LPCAT2: variants seen among roughly 807,000 people sequenced by gnomAD.
The protein encoded by LPCAT2 is lysophosphatidylcholine acyltransferase 2, also known as 1-AGP acyltransferase 11.
LPCAT2 carries 58 observed loss-of-function variants against 64.7 expected under a neutral mutation model. That is an observed-to-expected ratio of 0.90 (90% CI 0.73 to 1.12). The LOEUF (loss-of-function observed/expected upper bound fraction) is 1.12. Among genes scored for constraint, LPCAT2 ranks in the 50% most tolerant of loss-of-function variants. The probability of loss-of-function intolerance (pLI) is 0.00; values close to 1 mark genes in which losing one functional copy is unlikely to be tolerated. For synonymous variants in LPCAT2, 252 were observed against 245.3 expected (o/e 1.03, Z -0.26); for missense variants, 579 against 669.8 (o/e 0.86, Z 1.50).
intron 11 of LPCAT2, among the ~76,000 whole-genome samples, chr16:55,569,105 T>C (rs1260978713): frequency 6.6e-6 from 1 of 152,230 alleles, no homozygotes; most frequent in East Asian, 1.9e-4. Context: ...GTTGTAACTA[T>C]GGAAATGATG....
chr16:55,515,797 A>G (rs1378647804), intron 1 of LPCAT2, among the ~76,000 whole-genome samples: 1 of 152,206 alleles, frequency 6.6e-6, no homozygotes, highest in African/African-American at 2.4e-5. Flanking sequence ...GAAAATTATT[A>G]TAAGTTAAGA....
At position 55,586,057 on chromosome 16, in the gene LPCAT2, T is replaced by TA. The variant is rs1168774510; in HGVS notation, c.*2960dup. 6.6e-6 allele frequency: 1 copy of TA among 152,112 alleles called. No individual in the cohort carries two copies. The highest frequency in any genetic ancestry group is 1.9e-4 in the East Asian group (1 of 5,190). The allele number at this position is 152,112 out of a possible 1,614,324, so 9.4% of individuals were successfully genotyped here. A position where few individuals can be genotyped will look rare whatever the true frequency, so the allele number is the denominator to read the frequency against. ...CCATTCCCGGGAAAGTAGACATACT[T>TA]ACATTTTTTTCCTTTTCTGCTCATT... On this transcript the variant is annotated 3_prime_UTR_variant, in exon 14 of 14. Coordinates refer to ENST00000262134, the MANE Select transcript of LPCAT2 (RefSeq NM_017839.5).
At chr16:55,518,729 AGG>A (rs1244347194) in intron 1 of LPCAT2, among the ~76,000 whole-genome samples, 1 of 152,238 alleles carries the variant, frequency 6.6e-6, no homozygotes, top group East Asian at 1.9e-4. Flanking sequence ...TGACATGTGC[AGG>A]AGAAGGAAGT....
At chr16:55,577,378 A>G (rs1055479970) in intron 12 of LPCAT2, among the ~76,000 whole-genome samples, 1 of 152,178 alleles carries the variant, frequency 6.6e-6, no homozygotes, top group Non-Finnish European at 1.5e-5. Context: ...TCAGAAGTAG[A>G]AATCTCAACA....
chr16:55,523,777 T>A (rs775145419), intron 1 of LPCAT2, among the ~76,000 whole-genome samples: 90 of 151,880 alleles, frequency 5.9e-4, no homozygotes, highest in Non-Finnish European at 9.3e-4. Context: ...GAGGGTGTAG[T>A]AATTGCAAAG....
chr16:55,525,780 C>T, intron 2 of LPCAT2, 133 bp downstream of exon 2: 1 of 494,226 alleles, frequency 2.0e-6, no homozygotes, highest in Non-Finnish European at 3.2e-6. Flanking sequence ...TATCTGCCTA[C>T]TCAATAATAA....
chr16:55,548,506 C>G (rs1038265740), intron 9 of LPCAT2, among the ~76,000 whole-genome samples: 1 of 151,968 alleles, frequency 6.6e-6, no homozygotes, highest in African/African-American at 2.4e-5. Context: ...TATACAAATG[C>G]CATTTATCTG....
intron 12 of LPCAT2, among the ~76,000 whole-genome samples, chr16:55,578,561 C>T (rs1285674328): frequency 2.0e-5 from 3 of 152,262 alleles, no homozygotes; most frequent in East Asian, 1.9e-4. Flanking sequence ...AACTGGTTTT[C>T]CTGCCTCTGG....
Position 55,585,613 on chromosome 16 carries a change from A to G in LPCAT2, c.*2515A>G, listed in dbSNP as rs990723808. Reference sequence around the variant, plus strand: ...ATCCTAAAACCTCTAAACCACAAACATTCAATTGAAAGAGTTCTGTTGAAG... The same window carrying G: ...ATCCTAAAACCTCTAAACCACAAACGTTCAATTGAAAGAGTTCTGTTGAAG... On this transcript the variant is annotated 3_prime_UTR_variant, in exon 14 of 14. Transcript: ENST00000262134. 5 of 152,228 alleles carry G rather than the reference A, an allele frequency of 3.3e-5. No individual in the cohort carries two copies. Among genetic ancestry groups the G allele is most frequent in the African/African-American group, 9.6e-5 (4 of 41,456 alleles). The allele number at this position is 152,228 out of a possible 1,614,324, so 9.4% of individuals were successfully genotyped here.
intron 12 of LPCAT2, among the ~76,000 whole-genome samples, chr16:55,577,902 A>G (rs1303969016): frequency 2.0e-5 from 3 of 152,038 alleles, no homozygotes; most frequent in African/African-American, 4.8e-5. Context: ...TCCCATTACC[A>G]TCTGGCTTCC....
chr16:55,519,190 T>G (rs887574886), intron 1 of LPCAT2, among the ~76,000 whole-genome samples: 4 of 152,002 alleles, frequency 2.6e-5, no homozygotes, highest in African/African-American at 4.8e-5. Context: ...GAATTTGTTG[T>G]CAGACCTGCA....
chr16:55,534,990 C>T (rs1025899525), intron 7 of LPCAT2, among the ~76,000 whole-genome samples: 3 of 152,144 alleles, frequency 2.0e-5, no homozygotes, highest in Admixed American at 6.6e-5. Flanking sequence ...TCTATAAGCA[C>T]TTTACTTAAG....
intron 11 of LPCAT2, among the ~76,000 whole-genome samples, chr16:55,551,746 G>T (rs1297295376): frequency 2.6e-5 from 4 of 152,024 alleles, no homozygotes; most frequent in African/African-American, 9.7e-5. Context: ...ACAACTTCAG[G>T]TTTTCTATTT....
At chr16:55,563,603 A>G (rs146253080) in intron 11 of LPCAT2, among the ~76,000 whole-genome samples, 1 of 152,118 alleles carries the variant, frequency 6.6e-6, no homozygotes, top group East Asian at 1.9e-4. Context: ...AAGGGGAAAA[A>G]TCACATGATC....
At chr16:55,562,183 C>A (rs1386719071) in intron 11 of LPCAT2, among the ~76,000 whole-genome samples, 1 of 151,926 alleles carries the variant, frequency 6.6e-6, no homozygotes, top group African/African-American at 2.4e-5. Flanking sequence ...TCACTCCTAG[C>A]AATAGAGTCT....
intron 7 of LPCAT2, 108 bp from the exon 8 acceptor site, chr16:55,537,470 T>A (rs536202943): frequency 4.1e-5 from 33 of 805,524 alleles, no homozygotes; most frequent in Non-Finnish European, 5.8e-5. Flanking sequence ...GCAAAATATA[T>A]GTGAAGTGTG....
At chr16:55,535,266 T>C (rs934009325) in intron 7 of LPCAT2, among the ~76,000 whole-genome samples, 1 of 152,182 alleles carries the variant, frequency 6.6e-6, no homozygotes, top group African/African-American at 2.4e-5. Context: ...CTTGGAAATA[T>C]TTAAGGAAAT....
chr16:55,522,860 A>G (rs968866791), intron 1 of LPCAT2, among the ~76,000 whole-genome samples: 4 of 151,750 alleles, frequency 2.6e-5, no homozygotes, highest in African/African-American at 4.8e-5. Context: ...TACAGCTTCT[A>G]GAAGAAAAAA....
At chr16:55,546,757 C>T (rs1193726976) in intron 9 of LPCAT2, among the ~76,000 whole-genome samples, 3 of 152,130 alleles carry the variant, frequency 2.0e-5, no homozygotes, top group African/African-American at 7.2e-5. Context: ...GTTTCTAGAT[C>T]AGCTACAAAG....
Sources: allele counts gnomAD v4.1 joint callset (sites outside exome capture counted in the v4.1 genomes callset), GRCh38; gene constraint gnomAD v4.1.1; transcripts MANE v1.5; gene names NCBI Gene and HGNC (gene_info 2026-07-23, HGNC 2026-07-21).